The following CUTA variants were observed in gnomAD, a reference collection of about 807,000 sequenced individuals.
The protein encoded by CUTA is protein CutA.
CUTA carries 21 observed loss-of-function variants against 20.7 expected under a neutral mutation model. The ratio of observed to expected loss-of-function variants is 1.01; its 90% confidence interval spans 0.72 to 1.46. The LOEUF is 1.46. Ranked by LOEUF, CUTA falls within the 40% of genes most tolerant of loss-of-function variation. CUTA has a pLI of 0.00. For synonymous variants in CUTA, 99 were observed against 97.9 expected (o/e 1.01, Z -0.07); for missense variants, 231 against 226.8 (o/e 1.02, Z -0.12).
rs1471866393 is a variant in CUTA, at chr6:33,417,135, A to G, written c.325T>C (p.Trp109Arg). The change falls in exon 4 of 6, where the codon TGG becomes CGG. Residue 109 changes from tryptophan to arginine, a missense_variant. Physicochemically the swap from Trp to Arg is moderately radical, Grantham distance 101 (BLOSUM62 -3). Coordinates refer to ENST00000488034, the MANE Select transcript of CUTA (RefSeq NM_001014840.2). ...CTGTCTTCCTCGATCTTCCCTTTCC[A>G]CTCATAGCTGAAAGGTCAGAGGGGG... Reference protein sequence around the residue: ...LIPQITSIYEWKGKIEEDSEV... With the variant: ...LIPQITSIYERKGKIEEDSEV... 1.2e-6 allele frequency: 2 copies of G among 1,611,132 alleles called. No homozygotes were observed. Among genetic ancestry groups the G allele is most frequent in the African/African-American group, 2.7e-5 (2 of 74,780 alleles).
chr6:33,417,382 G>A (rs1026624835), intron 2 of CUTA, 72 bp from the exon 3 acceptor site: 10 of 1,612,622 alleles, frequency 6.2e-6, no homozygotes, highest in African/African-American at 1.3e-5. Context: ...CCAGAGACAG[G>A]CTTCCAGAGC....
chr6:33,416,667 TAG>T lies in CUTA; in HGVS notation c.521_522del (p.Ser174TyrfsTer58), dbSNP rs1471304511. 3 of 1,582,774 alleles carry T rather than the reference TAG, an allele frequency of 1.9e-6. No individual in the cohort carries two copies. Among genetic ancestry groups the T allele is most frequent in the Admixed American group, 3.3e-5 (2 of 59,976 alleles). ...AGGGCTCATCATGGCAGGACTGTGATAGAGTCAGAAACTGACTCTGTGACCTG... is the reference window on the plus strand; with the variant it reads ...AGGGCTCATCATGGCAGGACTGTGATAGTCAGAAACTGACTCTGTGACCTG... ...VRQVTESVSD[S>X]ITVLP On this transcript the variant is annotated frameshift_variant, in exon 6 of 6. Transcript: ENST00000488034. LOFTEE classifies it high-confidence loss of function.
At chr6:33,417,924 G>C (rs1409767092) in intron 1 of CUTA, 35 bp downstream of exon 1, 1 of 1,597,056 alleles carries the variant, frequency 6.3e-7, no homozygotes, top group Non-Finnish European at 8.5e-7. Context: ...GAGGCTTCGA[G>C]GACCGGAAGG....
chr6:33,417,257 G>A lies in CUTA; in HGVS notation c.311C>T (p.Thr104Ile). The A allele has an allele frequency of 1.2e-6, 2 of 1,614,200 alleles. No homozygotes were observed. Among genetic ancestry groups the A allele is most frequent in the Non-Finnish European group, 8.5e-7 (1 of 1,180,030 alleles). ...AACVNLIPQI[T>I]SIYEWKGKIE... ...CCCAACTCCTATGACTCACATGGAT[G>A]TAATCTGAGGGATGAGGTTGACGCA... Residue 104 changes from threonine (T) to isoleucine (I), a missense_variant, in exon 3 of 6, where the codon ACA becomes ATA. Thr to Ile is a moderately conservative substitution (Grantham distance 89). Coordinates refer to ENST00000488034, the MANE Select transcript of CUTA (RefSeq NM_001014840.2).
At position 33,416,603 on chromosome 6, in the gene CUTA, CGTT is replaced by C. The variant is rs774309559; in HGVS notation, c.*44_*46del. 23 of 1,092,424 alleles carry C rather than the reference CGTT, an allele frequency of 2.1e-5. No homozygotes were observed. The highest frequency in any genetic ancestry group is 2.8e-5 in the Non-Finnish European group (20 of 705,618). 67.7% of individuals were successfully genotyped at this position (1,092,424 alleles called of 1,614,324 possible). A position where few individuals can be genotyped will look rare whatever the true frequency, so the allele number is the denominator to read the frequency against. On this transcript the variant is annotated 3_prime_UTR_variant, in exon 6 of 6. Coordinates refer to ENST00000488034, the MANE Select transcript of CUTA (RefSeq NM_001014840.2). ...CAGTCATCACCTGGAAGTCAGAAGG[CGTT>C]GAAGTATCGCGGGGATCTTCATGAT...
intron 4 of CUTA, 46 bp downstream of exon 4, chr6:33,417,051 G>A (rs1420266222): frequency 3.7e-6 from 6 of 1,612,342 alleles, no homozygotes; most frequent in South Asian, 2.2e-5. Context: ...GGCTAAAGGG[G>A]TCAGGGATTG....
chr6:33,416,863 C>T, intron 5 of CUTA, 57 bp downstream of exon 5: 4 of 1,608,574 alleles, frequency 2.5e-6, no homozygotes, highest in East Asian at 2.2e-5. Context: ...CTAGACTGCC[C>T]AGCAAGTCAC....
At chr6:33,417,064 G>T in intron 4 of CUTA, 33 bp downstream of exon 4, 1 of 1,611,322 alleles carries the variant, frequency 6.2e-7, no homozygotes, top group Non-Finnish European at 8.5e-7. Flanking sequence ...AGGGATTGGG[G>T]ATATTTTGTT....
Position 33,417,152 on chromosome 6 carries a change from C to T in CUTA, c.318-10G>A. 6.2e-7 allele frequency: 1 copy of T among 1,611,858 alleles called. No individual in the cohort carries two copies. The highest frequency in any genetic ancestry group is 1.1e-5 in the South Asian group (1 of 90,916). ...CCCTTTCCACTCATAGCTGAAAGGT[C>T]AGAGGGGGAGAGTTGTGGGGAGCAA... On this transcript the variant is annotated splice_polypyrimidine_tract_variant and intron_variant, in intron 3 of 5. Coordinates refer to ENST00000488034, the MANE Select transcript of CUTA (RefSeq NM_001014840.2).
rs780106729 is a variant in CUTA at position 33,416,602 on chromosome 6, G to T, written c.*48C>A. 9.2e-7 allele frequency: 1 copy of T among 1,084,578 alleles called. No individual in the cohort carries two copies. Among genetic ancestry groups the T allele is most frequent in the Non-Finnish European group, 1.4e-6 (1 of 698,242 alleles). The allele number at this position is 1,084,578 out of a possible 1,614,324, so 67.2% of individuals were successfully genotyped here. A position where few individuals can be genotyped will look rare whatever the true frequency, so the allele number is the denominator to read the frequency against. On this transcript the variant is annotated 3_prime_UTR_variant, in exon 6 of 6. Transcript: ENST00000488034. ...CCAGTCATCACCTGGAAGTCAGAAG[G>T]CGTTGAAGTATCGCGGGGATCTTCA...
At position 33,417,243 on chromosome 6, in the gene CUTA, T is replaced by C. The variant is rs1231987342; in HGVS notation, c.317+8A>G. The C allele has an allele frequency of 6.2e-7, 1 of 1,614,162 alleles. No individual in the cohort carries two copies. Among genetic ancestry groups the C allele is most frequent in the Non-Finnish European group, 8.5e-7 (1 of 1,180,020 alleles). ...AGTTAGGTTAACCCCCCAACTCCTA[T>C]GACTCACATGGATGTAATCTGAGGG... On this transcript the variant is annotated splice_region_variant and intron_variant, in intron 3 of 5. Coordinates refer to ENST00000488034, the MANE Select transcript of CUTA (RefSeq NM_001014840.2).
chr6:33,417,951 T>A lies in CUTA; in HGVS notation c.42+8A>T. 1.9e-6 allele frequency: 3 copies of A among 1,576,954 alleles called. No individual in the cohort carries two copies. The highest frequency in any genetic ancestry group is 2.6e-6 in the Non-Finnish European group (3 of 1,163,500). On this transcript the variant is annotated splice_region_variant and intron_variant, in intron 1 of 5. Transcript: ENST00000488034. ...ACCGGAAGGGGCGGGGCGGGGCCGG[T>A]CACTCACCACTCCGCCGAGCAGGAC... is the stretch of plus-strand genomic sequence containing the variant.
At chr6:33,417,230 C>T (rs773608015) in intron 3 of CUTA, 21 bp downstream of exon 3, 3 of 1,613,974 alleles carry the variant, frequency 1.9e-6, no homozygotes, top group East Asian at 2.2e-5. Flanking sequence ...TTAGGTTAAC[C>T]CCCCAACTCC....
At position 33,417,278 on chromosome 6, in the gene CUTA, A is replaced by C; in HGVS notation, c.290T>G (p.Val97Gly). 1 of 1,614,198 alleles carries C rather than the reference A, an allele frequency of 6.2e-7. No individual in the cohort carries two copies. The highest frequency in any genetic ancestry group is 8.5e-7 in the Non-Finnish European group (1 of 1,180,036). ...GGATGTAATCTGAGGGATGAGGTTG[A>C]CGCAGGCTGCTAGGCGCTTCTCCAC... ...AVVEKRLAACVNLIPQITSIY... is the reference protein window; with the variant it reads ...AVVEKRLAACGNLIPQITSIY... Residue 97 changes from valine to glycine, a missense_variant, in exon 3 of 6, where the codon GTC becomes GGC. Transcript: ENST00000488034.
At position 33,417,988 on chromosome 6, in the gene CUTA, G is replaced by GC. The variant is rs763374003; in HGVS notation, c.12dup (p.Arg5AlafsTer104). On this transcript the variant is annotated frameshift_variant, in exon 1 of 6. Coordinates refer to ENST00000488034, the MANE Select transcript of CUTA (RefSeq NM_001014840.2). LOFTEE classifies it high-confidence loss of function. ...CCGCCGAGCAGGACCGCGGGAGCCC[G>GC]CCCCCCACTCATGCGGCCTACGCTG... The GC allele has an allele frequency of 2.5e-6, 4 of 1,611,726 alleles. No individual in the cohort carries two copies. The highest frequency in any genetic ancestry group is 1.3e-5 in the African/African-American group (1 of 74,886).
At position 33,416,751 on chromosome 6, in the gene CUTA, C is replaced by T. The variant is rs755286224; in HGVS notation, c.439G>A (p.Glu147Lys). 6.8e-6 allele frequency: 11 copies of T among 1,614,134 alleles called. No homozygotes were observed. Among genetic ancestry groups the T allele is most frequent in the African/African-American group, 1.3e-5 (1 of 75,002 alleles). Reference sequence around the variant, plus strand: ...TGTTCCACAGGCAATGCAATTACCTCGGCCACTTCGTAAGGGTGCACAGAA... The same window carrying T: ...TGTTCCACAGGCAATGCAATTACCTTGGCCACTTCGTAAGGGTGCACAGAA... ...VRSVHPYEVA[E>K]VIALPVEQGN... Residue 147 changes from glutamate (E) to lysine (K), a missense_variant, in exon 6 of 6, where the codon GAG becomes AAG. Transcript: ENST00000488034.
chr6:33,416,771 A>G lies in CUTA; in HGVS notation c.419T>C (p.Val140Ala), dbSNP rs1217456368. ...TACCTCGGCCACTTCGTAAGGGTGC[A>G]CAGAACTACAAAATAGGTGGGTGGG... is the stretch of plus-strand genomic sequence containing the variant. ...VPALTDFVRS[V>A]HPYEVAEVIA... Residue 140 changes from valine (V) to alanine (A), a missense_variant, in exon 6 of 6, where the codon GTG (valine) becomes GCG (alanine). By Grantham distance (64) the Val-to-Ala change is moderately conservative. Transcript: ENST00000488034. 5 of 1,613,988 alleles carry G rather than the reference A, an allele frequency of 3.1e-6. No homozygotes were observed. The Admixed American group carries it at 6.7e-5, about 22-fold the overall frequency.
At position 33,417,503 on chromosome 6, in the gene CUTA, T is replaced by A; in HGVS notation, c.235A>T (p.Lys79Ter). The A allele has an allele frequency of 6.2e-7, 1 of 1,614,078 alleles. No homozygotes were observed. Among genetic ancestry groups the A allele is most frequent in the South Asian group, 1.1e-5 (1 of 91,076 alleles). ...SAAFVTCPNEKVAKEIARAVV... is the reference protein window; with the variant it reads ...SAAFVTCPNE ...TACCTGGCGATCTCCTTGGCGACCT[T>A]CTCGTTGGGGCAAGTAACAAAGGCT... is the stretch of plus-strand genomic sequence containing the variant. Residue 79 changes from lysine (K) to a stop codon, truncating the protein, a stop_gained, in exon 2 of 6, where the codon AAG (lysine) becomes TAG (stop). Transcript: ENST00000488034. LOFTEE classifies it high-confidence loss of function.
In CUTA at chr6:33,418,089, G is replaced by A; in HGVS notation, c.-89C>T. On this transcript the variant is annotated 5_prime_UTR_variant, in exon 1 of 6. Transcript: ENST00000488034. The surrounding 1 kb of genome is among the most constrained non-coding windows in gnomAD (Gnocchi z 5.7). Reference sequence around the variant, plus strand: ...CAGGAAGAGCGGCCTCTTCTTACCTGGGTGGCAGCCACGTGATTAGAAAAC... The same window carrying A: ...CAGGAAGAGCGGCCTCTTCTTACCTAGGTGGCAGCCACGTGATTAGAAAAC... 1 of 1,613,966 alleles carries A rather than the reference G, an allele frequency of 6.2e-7. No individual in the cohort carries two copies.
Sources: gnomAD v4.1 joint callset for allele counts on GRCh38, gnomAD v4.1.1 for gene constraint, Gnocchi (gnomAD v3.1) non-coding constraint, MANE v1.5 for transcripts, NCBI Gene and HGNC (gene_info 2026-07-23, HGNC 2026-07-21) for gene names.